The following ATP8A2 variants were observed in gnomAD, a reference collection of about 807,000 sequenced individuals.
The protein encoded by ATP8A2 is phospholipid-transporting ATPase IB.
In ATP8A2, 100 loss-of-function variants were observed where a neutral mutation model predicts 165.6. That is an observed-to-expected ratio of 0.60 (90% confidence interval 0.51 to 0.71). The LOEUF (loss-of-function observed/expected upper bound fraction) is 0.71. Among genes scored for constraint, ATP8A2 ranks in the 30% least tolerant of loss-of-function variants. The pLI, the probability that ATP8A2 is intolerant of heterozygous loss-of-function variation, is 0.00. For synonymous variants in ATP8A2, 543 were observed against 548.8 expected (o/e 0.99, Z 0.15); for missense variants, 1,227 against 1,479.5 (o/e 0.83, Z 2.80).
intron 25 of ATP8A2, among the ~76,000 whole-genome samples, chr13:25,722,829 T>G (rs1393963212): frequency 6.6e-6 from 1 of 152,208 alleles, no homozygotes; most frequent in African/African-American, 2.4e-5. Flanking sequence ...GGTAACTAAT[T>G]TTATTAATTT....
intron 24 of ATP8A2, among the ~76,000 whole-genome samples, chr13:25,617,313 C>G (rs1467555977): frequency 6.6e-6 from 1 of 152,050 alleles, no homozygotes; most frequent in Non-Finnish European, 1.5e-5. Context: ...ATTTGAAGGT[C>G]TTTTTCTTGT....
At chr13:25,531,334 A>G (rs186960652) in intron 4 of ATP8A2, among the ~76,000 whole-genome samples, 99 of 133,090 alleles carry the variant, frequency 7.4e-4, no homozygotes, top group African/African-American at 2.1e-3. Flanking sequence ...TGATATATAT[A>G]TGTTATATAT....
chr13:25,896,019 G>A (rs1414213575), intron 33 of ATP8A2, among the ~76,000 whole-genome samples: 1 of 151,982 alleles, frequency 6.6e-6, no homozygotes, highest in African/African-American at 2.4e-5. Context: ...AGGGTTTTTT[G>A]TGTCTCTATT....
chr13:25,584,737 A>C (rs990196570), intron 23 of ATP8A2, among the ~76,000 whole-genome samples: 3 of 152,196 alleles, frequency 2.0e-5, no homozygotes, highest in Admixed American at 2.0e-4. Flanking sequence ...TTTGCAAAAA[A>C]TGCTTTCTGA....
chr13:25,886,244 C>T (rs946424127), intron 33 of ATP8A2, among the ~76,000 whole-genome samples: 1 of 152,202 alleles, frequency 6.6e-6, no homozygotes, highest in African/African-American at 2.4e-5. Flanking sequence ...ACACCTGTCC[C>T]TCCCAAAAGA....
At chr13:25,410,738 G>T (rs1294823706) in intron 1 of ATP8A2, among the ~76,000 whole-genome samples, 6 of 152,230 alleles carry the variant, frequency 3.9e-5, no homozygotes, top group Non-Finnish European at 8.8e-5. Flanking sequence ...TCTAATGTGA[G>T]ATAGGTGCTC....
chr13:25,968,869 T>C (rs1593644810), intron 35 of ATP8A2, among the ~76,000 whole-genome samples, 190 bp downstream of exon 35: 1 of 152,080 alleles, frequency 6.6e-6, no homozygotes, highest in Non-Finnish European at 1.5e-5. Flanking sequence ...TCTCTGGAAG[T>C]CTCCAGGTAA....
intron 24 of ATP8A2, among the ~76,000 whole-genome samples, chr13:25,688,365 G>A (rs2042649672): frequency 6.6e-6 from 1 of 152,078 alleles, no homozygotes; most frequent in Non-Finnish European, 1.5e-5. Context: ...TTCGTTACGG[G>A]TTCTACACAG....
chr13:25,818,374 G>A (rs1231792968), intron 27 of ATP8A2, among the ~76,000 whole-genome samples: 1 of 152,082 alleles, frequency 6.6e-6, no homozygotes. Flanking sequence ...TAATAAGTTA[G>A]TAGCCATAAA....
At chr13:25,624,563 A>G (rs2041055131) in intron 24 of ATP8A2, among the ~76,000 whole-genome samples, 1 of 152,152 alleles carries the variant, frequency 6.6e-6, no homozygotes, top group Non-Finnish European at 1.5e-5. Context: ...TCTATTAGAG[A>G]GTATTGTATG....
chr13:25,842,652 A>G (rs1951770376), intron 30 of ATP8A2, among the ~76,000 whole-genome samples: 1 of 151,806 alleles, frequency 6.6e-6, no homozygotes, highest in African/African-American at 2.4e-5. Flanking sequence ...AGCCTGGGCC[A>G]AAAAGCAAAA....
At chr13:25,495,251 T>G (rs766378051) in intron 2 of ATP8A2, among the ~76,000 whole-genome samples, 5 of 152,036 alleles carry the variant, frequency 3.3e-5, no homozygotes, top group Non-Finnish European at 7.4e-5. Flanking sequence ...GCCATTGCCT[T>G]GGAAATGGCC....
chr13:25,791,345 C>G (rs1566141901), intron 27 of ATP8A2, among the ~76,000 whole-genome samples: 1 of 151,998 alleles, frequency 6.6e-6, no homozygotes, highest in Non-Finnish European at 1.5e-5. Context: ...AACATACAGA[C>G]ACAAAGAAGG....
chr13:25,781,000 G>A (rs1395586905), intron 27 of ATP8A2, among the ~76,000 whole-genome samples: 1 of 152,132 alleles, frequency 6.6e-6, no homozygotes, highest in African/African-American at 2.4e-5. Flanking sequence ...GAATTCTCAC[G>A]CCTGTAATCC....
intron 35 of ATP8A2, among the ~76,000 whole-genome samples, chr13:25,990,427 T>A (rs1181353496): frequency 6.6e-6 from 1 of 152,100 alleles, no homozygotes; most frequent in Non-Finnish European, 1.5e-5. Context: ...GGGAAGCTGG[T>A]CTGGGAAGTC....
chr13:25,814,098 GACACACACAC>G (rs59562535), intron 27 of ATP8A2, among the ~76,000 whole-genome samples: 1 of 149,418 alleles, frequency 6.7e-6, no homozygotes, highest in African/African-American at 2.5e-5. Flanking sequence ...CACACATACA[GACACACACAC>G]ACACACACAC....
intron 20 of ATP8A2, 108 bp downstream of exon 20, chr13:25,577,246 T>C (rs998247106): frequency 3.1e-6 from 3 of 972,172 alleles, no homozygotes; most frequent in African/African-American, 3.2e-5. Flanking sequence ...TGTCCAGAGT[T>C]GAAAGACTGT....
intron 25 of ATP8A2, among the ~76,000 whole-genome samples, chr13:25,718,446 G>T (rs2043302858): frequency 6.6e-6 from 1 of 152,030 alleles, no homozygotes; most frequent in Non-Finnish European, 1.5e-5. Flanking sequence ...TCTTACGTGT[G>T]TATCATTTTG....
intron 24 of ATP8A2, among the ~76,000 whole-genome samples, chr13:25,614,018 G>A (rs1172320981): frequency 2.0e-5 from 3 of 152,156 alleles, no homozygotes; most frequent in South Asian, 2.1e-4. Context: ...GTACCTAGGC[G>A]ATGATCTTTT....
Sources: allele counts gnomAD v4.1 joint callset (sites outside exome capture counted in the v4.1 genomes callset), GRCh38; gene constraint gnomAD v4.1.1; transcripts MANE v1.5; gene names NCBI Gene and HGNC (gene_info 2026-07-23, HGNC 2026-07-21).